UGT2B10: variants seen among roughly 807,000 people sequenced by gnomAD.
UGT2B10 encodes UDP-glucuronosyltransferase 2B10.
UGT2B10 carries 51 observed loss-of-function variants against 43.7 expected under a neutral mutation model. The observed-to-expected ratio is 1.17, with a 90% CI of 0.93 to 1.47. The LOEUF (loss-of-function observed/expected upper bound fraction) is 1.47, where lower values mean the gene tolerates loss of function less well. Among genes scored for constraint, UGT2B10 ranks in the 40% most tolerant of loss-of-function variants. The pLI is 0.00. For missense variants in UGT2B10, 696 were observed against 617.7 expected (o/e 1.13, Z -1.34); for synonymous variants, 225 against 209.0 (o/e 1.08, Z -0.66).
At chr4:68,824,936 T>C (rs1737694811) in intron 3 of UGT2B10, among the ~76,000 whole-genome samples, 1 of 152,172 alleles carries the variant, frequency 6.6e-6, no homozygotes, top group Non-Finnish European at 1.5e-5. Flanking sequence ...GGTAATACTC[T>C]GAATTTGTGT....
Position 68,826,428 on chromosome 4 carries a change from G to T in UGT2B10, c.1018G>T (p.Gly340Trp). The change falls in exon 4 of 6, where the codon GGG becomes TGG. Residue 340 changes from glycine to tryptophan, a missense_variant. Gly to Trp is a radical substitution (Grantham distance 184). Transcript: ENST00000265403. ...GTAACAGGTTCTTTGGAGATTTGAT[G>T]GGAATAAACCAGATGCCTTAGGTCT... ...IPQKVLWRFD[G>W]NKPDALGLNT... is the part of the protein sequence containing the mutation. The T allele has an allele frequency of 1.2e-6, 2 of 1,610,902 alleles. No homozygotes were observed. The highest frequency in any genetic ancestry group is 1.7e-6 in the Non-Finnish European group (2 of 1,178,976).
intron 3 of UGT2B10, among the ~76,000 whole-genome samples, chr4:68,825,795 A>G (rs529222907): frequency 6.6e-6 from 1 of 152,278 alleles, no homozygotes; most frequent in Non-Finnish European, 1.5e-5. Flanking sequence ...TAGTGCAACT[A>G]ACATATAGTT....
chr4:68,825,313 AT>A (rs1455385177), intron 3 of UGT2B10, among the ~76,000 whole-genome samples: 4 of 151,512 alleles, frequency 2.6e-5, no homozygotes, highest in Non-Finnish European at 4.4e-5. Flanking sequence ...TAATATTTTT[AT>A]TTTTTTAATT....
At position 68,831,775 on chromosome 4, in the gene UGT2B10, G is replaced by C. The variant is rs1463333177; in HGVS notation, c.*896G>C. On this transcript the variant is annotated 3_prime_UTR_variant, in exon 6 of 6. Coordinates refer to ENST00000265403, the MANE Select transcript of UGT2B10 (RefSeq NM_001075.6). Reference sequence around the variant, plus strand: ...AAGTGTTTATGCCCTGATTCAATGTGATTATCTCAATTTTTATTTCATTCT... The same window carrying C: ...AAGTGTTTATGCCCTGATTCAATGTCATTATCTCAATTTTTATTTCATTCT... 1.3e-5 allele frequency among the ~76,000 whole-genome samples: 2 copies of C among 151,994 alleles called. No homozygotes were observed. Among genetic ancestry groups the C allele is most frequent in the African/African-American group, 4.8e-5 (2 of 41,402 alleles).
At chr4:68,828,271 A>G (rs1049501123) in intron 5 of UGT2B10, among the ~76,000 whole-genome samples, 1 of 151,620 alleles carries the variant, frequency 6.6e-6, no homozygotes, top group African/African-American at 2.4e-5. Context: ...ATTTTTTTTT[A>G]TGGTTTTTAG....
rs185290404 is a variant in UGT2B10 at position 68,822,333 on chromosome 4, A to G, written c.930A>G (p.Ser310=). 9,067 of 1,613,724 alleles carry G rather than the reference A, an allele frequency of 5.6e-3. 51 individuals are homozygous for G. The highest frequency in any genetic ancestry group is 7.0e-3 in the Middle Eastern group (42 of 5,974). The change falls in exon 3 of 6, where the codon TCA becomes TCG. Residue 310 remains serine, a synonymous_variant. Transcript: ENST00000265403. The part of the protein sequence containing the change: ...ENGVVVFSLG[S]MVSNMTEERA... The stretch of plus-strand genomic sequence containing the variant: ...GTGTTGTGGTGTTTTCTCTGGGGTC[A>G]ATGGTCAGTAACATGACAGAAGAAA...
At chr4:68,829,344 A>G (rs1163042772) in intron 5 of UGT2B10, among the ~76,000 whole-genome samples, 3 of 152,082 alleles carry the variant, frequency 2.0e-5, no homozygotes, top group African/African-American at 7.2e-5. Flanking sequence ...GTTCAGAAAA[A>G]GAGAGCTATT....
At chr4:68,825,320 TA>T (rs1737719792) in intron 3 of UGT2B10, among the ~76,000 whole-genome samples, 1 of 151,924 alleles carries the variant, frequency 6.6e-6, no homozygotes, top group African/African-American at 2.4e-5. Flanking sequence ...TTTATTTTTT[TA>T]ATTAAATTAA....
intron 4 of UGT2B10, among the ~76,000 whole-genome samples, chr4:68,826,967 C>G (rs992358139): frequency 1.3e-4 from 20 of 152,220 alleles, no homozygotes; most frequent in South Asian, 2.1e-4. Context: ...CCACCACCAA[C>G]CCACTGCCTG....
intron 4 of UGT2B10, among the ~76,000 whole-genome samples, chr4:68,826,712 T>C (rs1372125591): frequency 2.6e-5 from 4 of 152,154 alleles, no homozygotes; most frequent in Non-Finnish European, 4.4e-5. Flanking sequence ...TCAGAGGTAA[T>C]CTTTATTTCA....
chr4:68,816,939 C>T (rs1025888277), intron 1 of UGT2B10, among the ~76,000 whole-genome samples: 10 of 151,938 alleles, frequency 6.6e-5, no homozygotes, highest in African/African-American at 2.4e-4. Context: ...GTGACCATCA[C>T]TCATACAGAA....
At chr4:68,817,992 T>G (rs1223103907) in intron 1 of UGT2B10, 37 bp from the exon 2 acceptor site, 1 of 1,589,058 alleles carries the variant, frequency 6.3e-7, no homozygotes, top group East Asian at 2.2e-5. Context: ...GTAATTATCT[T>G]ATGTCATCCA....
Position 68,822,315 on chromosome 4 carries a change from G to T in UGT2B10, c.912G>T (p.Val304=). ...AGAGCTCTGGAGAAAATGGTGTTGT[G>T]GTGTTTTCTCTGGGGTCAATGGTCA... The part of the protein sequence containing the change: ...FVQSSGENGV[V]VFSLGSMVSN... Residue 304 remains valine (V), a synonymous_variant, in exon 3 of 6, where the codon GTG becomes GTT. Transcript: ENST00000265403. The T allele has an allele frequency of 6.2e-7, 1 of 1,613,370 alleles. No homozygotes were observed. The highest frequency in any genetic ancestry group is 8.5e-7 in the Non-Finnish European group (1 of 1,179,788).
intron 5 of UGT2B10, among the ~76,000 whole-genome samples, chr4:68,828,094 C>T (rs1252980602): frequency 6.6e-6 from 1 of 151,896 alleles, no homozygotes; most frequent in African/African-American, 2.4e-5. Context: ...ACATTTTTAT[C>T]AACGCAAAAG....
At chr4:68,820,437 TA>T (rs1452190872) in intron 2 of UGT2B10, among the ~76,000 whole-genome samples, 1 of 152,014 alleles carries the variant, frequency 6.6e-6, no homozygotes, top group Non-Finnish European at 1.5e-5. Context: ...TGTGAAATCA[TA>T]AAAAAATTAA....
rs1738095533 is a variant in UGT2B10, at chr4:68,831,406, TA to T, written c.*528del. Among the ~76,000 whole-genome samples the T allele has an allele frequency of 1.3e-5, 2 of 152,124 alleles. No homozygotes were observed. Among genetic ancestry groups the T allele is most frequent in the Admixed American group, 6.6e-5 (1 of 15,250 alleles). ...CCATAACTTTACAAAATGAGATTTTTATATAAGAATGATTCAAATGTTCAGG... is the reference window on the plus strand; with the variant it reads ...CCATAACTTTACAAAATGAGATTTTTTATAAGAATGATTCAAATGTTCAGG... On this transcript the variant is annotated 3_prime_UTR_variant, in exon 6 of 6. Coordinates refer to ENST00000265403, the MANE Select transcript of UGT2B10 (RefSeq NM_001075.6).
At chr4:68,824,325 A>G (rs550356250) in intron 3 of UGT2B10, among the ~76,000 whole-genome samples, 1 of 152,346 alleles carries the variant, frequency 6.6e-6, no homozygotes, top group African/African-American at 2.4e-5. Flanking sequence ...GAAAAGGTGC[A>G]GATGGATCCT....
At chr4:68,829,908 A>T (rs1008725706) in intron 5 of UGT2B10, among the ~76,000 whole-genome samples, 4 of 152,090 alleles carry the variant, frequency 2.6e-5, no homozygotes, top group African/African-American at 9.7e-5. Flanking sequence ...CAAAAATCTT[A>T]ATCAGGGGAG....
chr4:68,823,308 T>C (rs1427168730), intron 3 of UGT2B10, among the ~76,000 whole-genome samples: 8 of 151,848 alleles, frequency 5.3e-5, no homozygotes, highest in South Asian at 2.1e-4. Context: ...GAGATCGAGA[T>C]CACCCTGAAC....
Sources: allele counts gnomAD v4.1 joint callset (sites outside exome capture counted in the v4.1 genomes callset), GRCh38; gene constraint gnomAD v4.1.1; transcripts MANE v1.5; gene names NCBI Gene and HGNC (gene_info 2026-07-23, HGNC 2026-07-21).